The following STAP1 variants were observed in gnomAD, a reference collection of about 807,000 sequenced individuals.
STAP1 encodes the protein signal transducing adaptor family member 1.
STAP1 carries 30 observed loss-of-function variants against 37.8 expected under a neutral mutation model. The ratio of observed to expected loss-of-function variants is 0.79; its 90% confidence interval spans 0.59 to 1.08. The LOEUF is 1.08. STAP1 is among the 50% of genes least tolerant of loss of function. The probability of loss-of-function intolerance (pLI) is 0.00; values close to 1 mark genes in which losing one functional copy is unlikely to be tolerated. For synonymous variants in STAP1, 130 were observed against 116.0 expected (o/e 1.12, Z -0.78); for missense variants, 357 against 349.4 (o/e 1.02, Z -0.17).
intron 2 of STAP1, 100 bp from the exon 3 acceptor site, chr4:67,575,285 T>C: frequency 2.9e-6 from 2 of 689,058 alleles, no homozygotes; most frequent in Non-Finnish European, 4.7e-6. Flanking sequence ...TACAAAGTAC[T>C]AATTAGTTGA....
At chr4:67,606,230 A>G in intron 8 of STAP1, 66 bp from the exon 9 acceptor site, 3 of 1,384,634 alleles carry the variant, frequency 2.2e-6, no homozygotes, top group Non-Finnish European at 3.0e-6. Flanking sequence ...ACTCACTGAA[A>G]ATAAAGAACC....
intron 8 of STAP1, among the ~76,000 whole-genome samples, chr4:67,599,169 AG>A (rs1186873290): frequency 1.3e-5 from 2 of 152,184 alleles, no homozygotes; most frequent in Non-Finnish European, 2.9e-5. Context: ...ATTGGCTTGT[AG>A]TTTTTAAAAA....
At chr4:67,574,725 T>A (rs759626969) in intron 2 of STAP1, among the ~76,000 whole-genome samples, 1 of 152,190 alleles carries the variant, frequency 6.6e-6, no homozygotes, top group African/African-American at 2.4e-5. Flanking sequence ...TTTAAAGTGT[T>A]TCTAAAGAAA....
chr4:67,605,870 T>C (rs573419406), intron 8 of STAP1, among the ~76,000 whole-genome samples: 1 of 152,202 alleles, frequency 6.6e-6, no homozygotes, highest in South Asian at 2.1e-4. Flanking sequence ...AATCTGGAGA[T>C]TTGGAAAAAG....
chr4:67,565,757 TTAAAG>T (rs1727452083), intron 1 of STAP1, among the ~76,000 whole-genome samples: 1 of 152,016 alleles, frequency 6.6e-6, no homozygotes, highest in South Asian at 2.1e-4. Context: ...TTTTGGTTCC[TTAAAG>T]TAAACTCTCA....
chr4:67,600,882 T>C (rs1403636460), intron 8 of STAP1, among the ~76,000 whole-genome samples: 2 of 152,188 alleles, frequency 1.3e-5, no homozygotes, highest in African/African-American at 4.8e-5. Context: ...TGAAGTATGT[T>C]TCTTGTAGGC....
intron 6 of STAP1, among the ~76,000 whole-genome samples, chr4:67,589,994 G>T (rs1402633474): frequency 6.6e-6 from 1 of 151,964 alleles, no homozygotes; most frequent in African/African-American, 2.4e-5. Context: ...TGTAGAGATG[G>T]GGTCTCATTA....
chr4:67,596,649 G>A (rs771794024), intron 8 of STAP1, among the ~76,000 whole-genome samples: 10 of 152,206 alleles, frequency 6.6e-5, no homozygotes, highest in Non-Finnish European at 1.5e-4. Context: ...GGGAACTCGA[G>A]TAAGAGTCAT....
chr4:67,579,892 G>A (rs893622791), intron 4 of STAP1, among the ~76,000 whole-genome samples: 1 of 151,868 alleles, frequency 6.6e-6, no homozygotes, highest in Admixed American at 6.6e-5. Context: ...TTGAGATGGA[G>A]TCTTGCTCTG....
chr4:67,560,910 A>C (rs565981723), intron 1 of STAP1, among the ~76,000 whole-genome samples: 1 of 148,236 alleles, frequency 6.7e-6, no homozygotes, highest in African/African-American at 2.4e-5. Context: ...TGGCCTCCCA[A>C]TGTGCTAGAA....
Position 67,590,939 on chromosome 4 carries a change from G to A in STAP1, c.715G>A (p.Glu239Lys). ...GAGCGTAGGACAAAACTACACTATT[G>A]AACTGGAAAAACCTGTAAGTAACTA... ...VMSVGQNYTI[E>K]LEKPVTLPNL... Residue 239 changes from glutamate to lysine, a missense_variant, in exon 7 of 9, where the codon GAA becomes AAA. Glu to Lys is a moderately conservative substitution (Grantham distance 56, BLOSUM62 1). Coordinates refer to ENST00000265404, the MANE Select transcript of STAP1 (RefSeq NM_012108.4). 6.2e-7 allele frequency: 1 copy of A among 1,611,094 alleles called. No individual in the cohort carries two copies. Among genetic ancestry groups the A allele is most frequent in the Non-Finnish European group, 8.5e-7 (1 of 1,178,636 alleles).
At chr4:67,586,350 A>G (rs926301792) in intron 6 of STAP1, among the ~76,000 whole-genome samples, 1 of 152,108 alleles carries the variant, frequency 6.6e-6, no homozygotes, top group Non-Finnish European at 1.5e-5. Context: ...CCAGCTACTC[A>G]GGAGGCTGAG....
At chr4:67,580,923 T>C (rs1727839485) in intron 4 of STAP1, among the ~76,000 whole-genome samples, 1 of 152,210 alleles carries the variant, frequency 6.6e-6, no homozygotes, top group Admixed American at 6.5e-5. Context: ...AGATAACTTA[T>C]GAGAGAGTGA....
chr4:67,581,545 C>T, intron 5 of STAP1, 74 bp downstream of exon 5: 1 of 1,491,990 alleles, frequency 6.7e-7, no homozygotes, highest in Non-Finnish European at 9.1e-7. Context: ...GAGAGTTAGT[C>T]ACTTGCTCTT....
At chr4:67,590,981 T>A (rs1195267635) in intron 7 of STAP1, 28 bp downstream of exon 7, 1 of 1,581,390 alleles carries the variant, frequency 6.3e-7, no homozygotes, top group Admixed American at 1.7e-5. Flanking sequence ...TTGTTGTTGA[T>A]GAACTTCCTC....
intron 6 of STAP1, among the ~76,000 whole-genome samples, chr4:67,587,684 A>G (rs975627845): frequency 6.6e-6 from 1 of 151,628 alleles, no homozygotes; most frequent in Non-Finnish European, 1.5e-5. Flanking sequence ...ACAAGTATTT[A>G]TAACCACATT....
At chr4:67,578,692 G>A (rs1347674614) in intron 4 of STAP1, among the ~76,000 whole-genome samples, 2 of 151,870 alleles carry the variant, frequency 1.3e-5, no homozygotes, top group South Asian at 2.1e-4. Context: ...GCATCCCCCC[G>A]GTACACTAAG....
chr4:67,559,773 A>G (rs1284218626), intron 1 of STAP1, among the ~76,000 whole-genome samples: 1 of 152,112 alleles, frequency 6.6e-6, no homozygotes, highest in East Asian at 1.9e-4. Context: ...ATTCCATCAG[A>G]AATGTTTAAT....
At chr4:67,576,407 T>C (rs1160600853) in intron 3 of STAP1, among the ~76,000 whole-genome samples, 1 of 152,162 alleles carries the variant, frequency 6.6e-6, no homozygotes, top group Non-Finnish European at 1.5e-5. Context: ...TGTAGAATAG[T>C]GCTTAGCACT....
Sources: gnomAD v4.1 joint callset for allele counts (sites outside exome capture counted in the v4.1 genomes callset) on GRCh38, gnomAD v4.1.1 for gene constraint, MANE v1.5 for transcripts, NCBI Gene and HGNC (gene_info 2026-07-23, HGNC 2026-07-21) for gene names.